FRMPD4: variants seen among roughly 807,000 people sequenced by gnomAD.
The protein encoded by FRMPD4 is FERM and PDZ domain-containing protein 4.
Under a neutral mutation model 94.1 loss-of-function variants are expected in FRMPD4, and 22 were observed. The ratio of observed to expected loss-of-function variants is 0.23; its 90% CI spans 0.17 to 0.33. The LOEUF (loss-of-function observed/expected upper bound fraction) is 0.33. Among genes scored for constraint, FRMPD4 ranks in the 10% least tolerant of loss-of-function variants. The probability of loss-of-function intolerance (pLI) is 1.00; values close to 1 mark genes in which losing one functional copy is unlikely to be tolerated. For synonymous variants in FRMPD4, 631 were observed against 548.6 expected (o/e 1.15, Z -2.10); for missense variants, 1,111 against 1,339.9 (o/e 0.83, Z 2.67).
intron 1 of FRMPD4, among the ~76,000 whole-genome samples, chrX:12,448,217 TAAATG>T (rs2057223689): frequency 8.9e-6 from 1 of 112,363 alleles, no homozygotes; most frequent in African/African-American, 3.2e-5. Flanking sequence ...CTATTTCTGA[TAAATG>T]AAATGATCTA....
intron 2 of FRMPD4, among the ~76,000 whole-genome samples, chrX:12,506,104 A>T (rs59309317): frequency 0.12 from 13,844 of 110,917 alleles, 974 homozygotes; most frequent in African/African-American, 0.26. Flanking sequence ...TGCTTTTTGA[A>T]CTTAAAGGGT....
intron 1 of FRMPD4, among the ~76,000 whole-genome samples, chrX:12,349,184 T>C (rs1486171520): frequency 1.8e-5 from 2 of 111,428 alleles, no homozygotes; most frequent in African/African-American, 3.3e-5. Flanking sequence ...AGAGGGGCTG[T>C]GTGGAGGGGA....
intron 1 of FRMPD4, among the ~76,000 whole-genome samples, chrX:12,281,567 G>A (rs1485794380): frequency 9.1e-5 from 10 of 110,219 alleles, no homozygotes; most frequent in Non-Finnish European, 1.7e-4. Flanking sequence ...TAAATGCAGG[G>A]TTTTGCCACG....
intron 4 of FRMPD4, 129 bp downstream of exon 4, chrX:12,615,010 A>G (rs966709057): frequency 1.1e-5 from 4 of 356,131 alleles, no homozygotes; most frequent in Admixed American, 9.9e-5. Flanking sequence ...ACACATACAC[A>G]TGGTTGAAAA....
chrX:12,122,465 G>C (rs1421206392), intron 3 of FRMPD4, among the ~76,000 whole-genome samples: 3 of 111,650 alleles, frequency 2.7e-5, no homozygotes, highest in Non-Finnish European at 5.6e-5. Context: ...GGAGTGTTTT[G>C]TGGGCCAAGC....
rs191782244 is a variant in FRMPD4 at position 12,544,282 on chromosome X, G to C, written c.158+45486G>C. On this transcript the variant is annotated intron_variant, in intron 2 of 16. Coordinates refer to ENST00000675598, the MANE Select transcript of FRMPD4 (RefSeq NM_001368397.1). Reference sequence around the variant, plus strand: ...AAAAAATTATGGTGCAACAAAACTAGTTTTGTTTTATACATTTCTAAATGT... The same window carrying C: ...AAAAAATTATGGTGCAACAAAACTACTTTTGTTTTATACATTTCTAAATGT... Among the ~76,000 whole-genome samples, 363 of 111,353 alleles carry C rather than the reference G, an allele frequency of 3.3e-3. 2 individuals are homozygous for C. Among genetic ancestry groups the C allele is most frequent in the African/African-American group, 0.011 (352 of 30,650 alleles).
chrX:12,350,244 A>G (rs1342318568), intron 1 of FRMPD4, among the ~76,000 whole-genome samples: 2 of 112,009 alleles, frequency 1.8e-5, no homozygotes, highest in Admixed American at 9.4e-5. Context: ...TTTGTTCCTT[A>G]TTCCCTTTAT....
chrX:12,608,414 A>G (rs5979678), intron 2 of FRMPD4, among the ~76,000 whole-genome samples: 24,757 of 112,437 alleles, frequency 0.22, 4,015 homozygotes, highest in African/African-American at 0.57. Flanking sequence ...TGCTATACAA[A>G]TTTTGAGTTG....
intron 1 of FRMPD4, among the ~76,000 whole-genome samples, chrX:12,334,889 A>T (rs1416672046): frequency 1.8e-5 from 2 of 111,168 alleles, no homozygotes; most frequent in African/African-American, 6.5e-5. Flanking sequence ...AATAAATGCC[A>T]GGTATTGTTC....
At chrX:12,618,576 A>G (rs1221753027) in intron 4 of FRMPD4, among the ~76,000 whole-genome samples, 1 of 111,059 alleles carries the variant, frequency 9.0e-6, no homozygotes, top group African/African-American at 3.3e-5. Context: ...GGAGTTGTAA[A>G]GTAGATCTTT....
chrX:12,304,516 C>G (rs1193311939), intron 1 of FRMPD4, among the ~76,000 whole-genome samples: 1 of 111,143 alleles, frequency 9.0e-6, no homozygotes, highest in Non-Finnish European at 1.9e-5. Flanking sequence ...GGTTGAAAAC[C>G]ACTGCTTTAT....
chrX:12,350,149 T>C (rs1429369979), intron 1 of FRMPD4, among the ~76,000 whole-genome samples: 2 of 111,454 alleles, frequency 1.8e-5, no homozygotes, highest in Admixed American at 9.5e-5. Context: ...TTATATATAA[T>C]TATCAGCAGC....
At position 12,246,207 on chromosome X, in the gene FRMPD4, GGATTGCT is replaced by G. The variant is rs1254240391; in HGVS notation, c.41+107197_41+107203del. ...TTTCTGAAAAGCCTGCTTCTCAGTT[GGATTGCT>G]GCTGTGTTAAAAAATCAAAGAAGTT... On this transcript the variant is annotated intron_variant, in intron 1 of 16. Coordinates refer to ENST00000675598, the MANE Select transcript of FRMPD4 (RefSeq NM_001368397.1). Among the ~76,000 whole-genome samples, 3 of 111,959 alleles carry G rather than the reference GGATTGCT, an allele frequency of 2.7e-5. No individual in the cohort carries two copies. The East Asian group carries it at 8.4e-4, about 31-fold the overall frequency.
rs570622215 is a variant in FRMPD4, at chrX:12,462,416, A to T, written c.42-36264A>T. The stretch of plus-strand genomic sequence containing the variant: ...AACTTTTTGTATTTTTTTCATATGG[A>T]AACTTAAATATTGAATCTTTAGGGA... On this transcript the variant is annotated intron_variant, in intron 1 of 16. Transcript: ENST00000675598. 1.3e-4 allele frequency among the ~76,000 whole-genome samples: 15 copies of T among 112,045 alleles called. No homozygotes were observed. In the South Asian group the frequency reaches 5.6e-3, roughly 42 times the overall value.
At chrX:12,570,293 A>G (rs912146765) in intron 2 of FRMPD4, among the ~76,000 whole-genome samples, 1 of 75,895 alleles carries the variant, frequency 1.3e-5, no homozygotes, top group Admixed American at 1.4e-4. Flanking sequence ...AACTTTACAT[A>G]TATTTATTTT....
chrX:11,952,594 G>T (rs1403804654), intron 3 of FRMPD4, among the ~76,000 whole-genome samples: 1 of 112,127 alleles, frequency 8.9e-6, no homozygotes, highest in Non-Finnish European at 1.9e-5. Context: ...AGTTAACTCA[G>T]TTTTTTGCCC....
At chrX:12,001,392 C>T (rs1379582516) in intron 3 of FRMPD4, among the ~76,000 whole-genome samples, 2 of 112,261 alleles carry the variant, frequency 1.8e-5, no homozygotes, top group Non-Finnish European at 3.8e-5. Context: ...GACAATCACT[C>T]AGAACCTTAA....
chrX:12,497,609 A>G (rs1275316173), intron 1 of FRMPD4, among the ~76,000 whole-genome samples: 1 of 111,243 alleles, frequency 9.0e-6, no homozygotes, highest in East Asian at 2.8e-4. Context: ...CATTTACCAA[A>G]CCAGTATTAA....
At chrX:11,987,220 TTCA>T (rs2054436274) in intron 3 of FRMPD4, among the ~76,000 whole-genome samples, 1 of 108,119 alleles carries the variant, frequency 9.2e-6, no homozygotes, top group Non-Finnish European at 1.9e-5. Context: ...TAAAAAATCA[TTCA>T]TCATCAGGTG....
Sources: allele counts gnomAD v4.1 joint callset (sites outside exome capture counted in the v4.1 genomes callset), GRCh38; gene constraint gnomAD v4.1.1; transcripts MANE v1.5; gene names NCBI Gene and HGNC (gene_info 2026-07-23, HGNC 2026-07-21).